HTR3B: variants seen among roughly 807,000 people sequenced by gnomAD.
HTR3B encodes the protein 5-hydroxytryptamine (serotonin) receptor 3B, ionotropic.
HTR3B carries 44 observed loss-of-function variants against 42.8 expected under a neutral mutation model. The observed-to-expected ratio is 1.03, with a 90% CI of 0.81 to 1.32. The LOEUF (loss-of-function observed/expected upper bound fraction) is 1.32, where lower values mean the gene tolerates loss of function less well. Among genes scored for constraint, HTR3B ranks in the 40% most tolerant of loss-of-function variants. The probability of loss-of-function intolerance (pLI) is 0.00; values close to 1 mark genes in which losing one functional copy is unlikely to be tolerated. For synonymous variants in HTR3B, 203 were observed against 209.0 expected (o/e 0.97, Z 0.25); for missense variants, 527 against 536.5 (o/e 0.98, Z 0.17).
intron 7 of HTR3B, among the ~76,000 whole-genome samples, chr11:113,943,825 G>A (rs1337824507): frequency 6.6e-6 from 1 of 151,268 alleles, no homozygotes; most frequent in East Asian, 2.0e-4. Context: ...GGGGAGGGGA[G>A]GGGAAGGGAG....
intron 2 of HTR3B, among the ~76,000 whole-genome samples, chr11:113,927,685 C>G (rs1205170079): frequency 6.6e-6 from 1 of 151,852 alleles, no homozygotes; most frequent in Non-Finnish European, 1.5e-5. Context: ...ACCTCAGCCT[C>G]CCGAGTAGCT....
At chr11:113,904,523 T>A (rs1383057145), upstream of HTR3B, among the ~76,000 whole-genome samples, 1 of 152,216 alleles carries the variant, frequency 6.6e-6, no homozygotes, top group Non-Finnish European at 1.5e-5. Context: ...CAATTATTAA[T>A]GAAATTAGTG....
At chr11:113,905,490 A>G (rs2137480242) in intron 1 of HTR3B, among the ~76,000 whole-genome samples, 1 of 152,304 alleles carries the variant, frequency 6.6e-6, no homozygotes, top group Non-Finnish European at 1.5e-5. Flanking sequence ...TACAAAATCT[A>G]TATAGGTGAT....
At position 113,932,374 on chromosome 11, in the gene HTR3B, GTC is replaced by G; in HGVS notation, c.458_459del (p.Ser153CysfsTer12). On this transcript the variant is annotated frameshift_variant, in exon 5 of 9. Coordinates refer to ENST00000260191, the MANE Select transcript of HTR3B (RefSeq NM_006028.5). LOFTEE classifies it high-confidence loss of function. Reference protein sequence around the residue: ...TIENYKPIQVVSACSLETYAF... With the variant: ...TIENYKPIQVXSACSLETYAF... ...TGAGAACTATAAGCCCATCCAGGTG[GTC>G]TCTGCGTGCAGTTTAGAGACATATG... The G allele has an allele frequency of 6.2e-7, 1 of 1,613,840 alleles. No homozygotes were observed. Among genetic ancestry groups the G allele is most frequent in the Non-Finnish European group, 8.5e-7 (1 of 1,179,778 alleles).
upstream of HTR3B, among the ~76,000 whole-genome samples, chr11:113,899,982 C>G (rs1446559412): frequency 6.6e-6 from 1 of 152,152 alleles, no homozygotes; most frequent in Non-Finnish European, 1.5e-5. Flanking sequence ...GAAGTCCAAA[C>G]ACGTTTGGGT....
At chr11:113,944,497 T>A (rs1476332831) in intron 7 of HTR3B, 76 bp from the exon 8 acceptor site, 1 of 1,406,280 alleles carries the variant, frequency 7.1e-7, no homozygotes, top group African/African-American at 1.4e-5. Context: ...CAAGACCCTG[T>A]CCCTAAAGAA....
At chr11:113,927,925 G>C (rs1949992356) in intron 2 of HTR3B, among the ~76,000 whole-genome samples, 1 of 152,124 alleles carries the variant, frequency 6.6e-6, no homozygotes, top group Non-Finnish European at 1.5e-5. Flanking sequence ...AGGATGTGCA[G>C]GTTTGTTACA....
chr11:113,937,424 T>G (rs979402294), intron 6 of HTR3B, among the ~76,000 whole-genome samples: 2 of 152,168 alleles, frequency 1.3e-5, no homozygotes, highest in Admixed American at 1.3e-4. Flanking sequence ...GACATAAAGA[T>G]GAATAAATGA....
intron 6 of HTR3B, 88 bp downstream of exon 6, chr11:113,933,181 A>T (rs1478141408): frequency 1.5e-6 from 2 of 1,298,448 alleles, no homozygotes; most frequent in East Asian, 4.7e-5. Flanking sequence ...GCTCTATTGC[A>T]TGTTCTCATT....
At chr11:113,915,518 T>C (rs920813112) in intron 2 of HTR3B, among the ~76,000 whole-genome samples, 4 of 152,258 alleles carry the variant, frequency 2.6e-5, no homozygotes, top group Non-Finnish European at 5.9e-5. Flanking sequence ...GATTTATCCA[T>C]ATTGTTGCAT....
At chr11:113,940,012 G>A (rs1176734) in intron 6 of HTR3B, among the ~76,000 whole-genome samples, 4,656 of 151,034 alleles carry the variant, frequency 0.031, 221 homozygotes, top group African/African-American at 0.11. Context: ...TCAGCCTCCC[G>A]AGTAGCTGGG....
intron 6 of HTR3B, among the ~76,000 whole-genome samples, chr11:113,937,095 G>A (rs1176739): frequency 6.6e-6 from 1 of 152,136 alleles, no homozygotes; most frequent in Non-Finnish European, 1.5e-5. Flanking sequence ...TTCCCTTTCT[G>A]TGGAATTTAA....
chr11:113,919,623 G>A (rs1011678805), intron 2 of HTR3B, among the ~76,000 whole-genome samples: 8 of 152,138 alleles, frequency 5.3e-5, no homozygotes, highest in African/African-American at 1.9e-4. Flanking sequence ...GAGGTCAGGA[G>A]TTCGAGACCA....
intron 6 of HTR3B, 93 bp downstream of exon 6, chr11:113,933,186 C>G: frequency 8.0e-7 from 1 of 1,245,756 alleles, no homozygotes; most frequent in Non-Finnish European, 1.1e-6. Flanking sequence ...ATTGCATGTT[C>G]TCATTCATTA....
intron 6 of HTR3B, among the ~76,000 whole-genome samples, 160 bp downstream of exon 6, chr11:113,933,253 TCACA>T (rs1950056257): frequency 6.6e-6 from 1 of 152,146 alleles, no homozygotes; most frequent in Non-Finnish European, 1.5e-5. Flanking sequence ...TTCCAGCATT[TCACA>T]GAGCAGAGGT....
chr11:113,917,219 G>A lies in HTR3B; in HGVS notation c.213+7764G>A, dbSNP rs999184012. ...GCAATCTCAGCTCGCTGTAAACTCC[G>A]CTTCCCGGGTTCAAGTGATTCTCCT... On this transcript the variant is annotated intron_variant, in intron 2 of 8. Transcript: ENST00000260191. Among the ~76,000 whole-genome samples the A allele has an allele frequency of 2.0e-5, 3 of 150,092 alleles. No individual in the cohort carries two copies. The South Asian group carries it at 6.4e-4, about 32-fold the overall frequency.
intron 2 of HTR3B, among the ~76,000 whole-genome samples, chr11:113,917,377 C>T (rs1949865622): frequency 6.6e-6 from 1 of 152,062 alleles, no homozygotes; most frequent in African/African-American, 2.4e-5. Flanking sequence ...AGGTGATCCA[C>T]CCACCTTGGC....
chr11:113,901,254 C>T (rs1174710211), upstream of HTR3B, among the ~76,000 whole-genome samples: 1 of 151,950 alleles, frequency 6.6e-6, no homozygotes, highest in Admixed American at 6.6e-5. Context: ...CCAGCCTGGG[C>T]AACATACCAA....
chr11:113,903,204 G>T (rs1234401081), upstream of HTR3B, among the ~76,000 whole-genome samples: 1 of 151,976 alleles, frequency 6.6e-6, no homozygotes, highest in Non-Finnish European at 1.5e-5. Flanking sequence ...CTGCTGTTTT[G>T]TTTGTCCCAC....
Sources: allele counts gnomAD v4.1 joint callset (sites outside exome capture counted in the v4.1 genomes callset), GRCh38; gene constraint gnomAD v4.1.1; transcripts MANE v1.5; gene names NCBI Gene and HGNC (gene_info 2026-07-23, HGNC 2026-07-21).